The following ZBTB20 variants were observed in gnomAD, a reference collection of about 807,000 sequenced individuals.
ZBTB20 encodes zinc finger and BTB domain-containing protein 20.
A neutral mutation model predicts 56.9 loss-of-function variants in ZBTB20; 9 were observed. That is an observed-to-expected ratio of 0.16 (90% CI 0.10 to 0.28). ZBTB20 has a LOEUF of 0.28. Among genes scored for constraint, ZBTB20 ranks in the 10% least tolerant of loss-of-function variants. The pLI is 1.00. For missense variants in ZBTB20, 655 were observed against 1,003.0 expected (o/e 0.65, Z 4.69); for synonymous variants, 417 against 420.7 (o/e 0.99, Z 0.11).
intron 3 of ZBTB20, among the ~76,000 whole-genome samples, chr3:114,955,804 G>A (rs2077227341): frequency 6.6e-6 from 1 of 152,092 alleles, no homozygotes; most frequent in Admixed American, 6.6e-5. Flanking sequence ...AATGGAGGTG[G>A]GGGGTGTACT....
intron 2 of ZBTB20, among the ~76,000 whole-genome samples, chr3:115,015,516 G>A (rs1273811279): frequency 6.6e-6 from 1 of 151,640 alleles, no homozygotes; most frequent in African/African-American, 2.4e-5. Flanking sequence ...CCCTCCCCAT[G>A]TGTCCATGTG....
At chr3:115,010,417 C>G (rs1400528558) in intron 2 of ZBTB20, among the ~76,000 whole-genome samples, 1 of 151,918 alleles carries the variant, frequency 6.6e-6, no homozygotes, top group East Asian at 2.0e-4. Flanking sequence ...GAGCTTGGGT[C>G]ACTCTGAGCT....
chr3:115,041,729 T>C (rs772675235), intron 2 of ZBTB20, among the ~76,000 whole-genome samples: 34 of 152,182 alleles, frequency 2.2e-4, no homozygotes, highest in Admixed American at 3.9e-4. Flanking sequence ...AAATAGTTTG[T>C]AACTTAAGAT....
At chr3:114,722,685 C>G (rs912246307) in intron 5 of ZBTB20, among the ~76,000 whole-genome samples, 3 of 152,182 alleles carry the variant, frequency 2.0e-5, no homozygotes, top group Non-Finnish European at 4.4e-5. Context: ...TCAGGTCAGA[C>G]TCCTTTTCAA....
intron 10 of ZBTB20, among the ~76,000 whole-genome samples, chr3:114,371,548 A>G (rs778899611): frequency 6.6e-6 from 1 of 152,236 alleles, no homozygotes; most frequent in African/African-American, 2.4e-5. Flanking sequence ...CTAGGGCTCC[A>G]GTTTATAAAA....
intron 4 of ZBTB20, among the ~76,000 whole-genome samples, chr3:114,878,062 C>T (rs1406019959): frequency 2.6e-5 from 4 of 152,098 alleles, no homozygotes; most frequent in Admixed American, 1.3e-4. Flanking sequence ...AAAAAAGAAA[C>T]AGCCCTACTT....
intron 7 of ZBTB20, among the ~76,000 whole-genome samples, chr3:114,449,934 A>T (rs2091498741): frequency 6.6e-6 from 1 of 152,078 alleles, no homozygotes; most frequent in African/African-American, 2.4e-5. Flanking sequence ...GATTGAGTTA[A>T]TTTTTTTTCT....
intron 7 of ZBTB20, among the ~76,000 whole-genome samples, chr3:114,426,099 G>T (rs992200000): frequency 7.2e-5 from 11 of 152,104 alleles, no homozygotes; most frequent in East Asian, 1.9e-4. Context: ...ACTTTGGGAG[G>T]CCGAGGTGGG....
chr3:114,745,945 G>A (rs537748533), intron 5 of ZBTB20, among the ~76,000 whole-genome samples: 28 of 152,234 alleles, frequency 1.8e-4, no homozygotes, highest in African/African-American at 6.5e-4. Flanking sequence ...CAGACTCTCC[G>A]GAAAGCTGTA....
At chr3:114,775,114 C>A (rs1307445573) in intron 5 of ZBTB20, among the ~76,000 whole-genome samples, 1 of 152,006 alleles carries the variant, frequency 6.6e-6, no homozygotes, top group Non-Finnish European at 1.5e-5. Context: ...AACACTCATG[C>A]AGAACAAAGC....
intron 6 of ZBTB20, among the ~76,000 whole-genome samples, chr3:114,525,751 CAA>C (rs754835081): frequency 1.2e-3 from 189 of 152,222 alleles, no homozygotes; most frequent in Middle Eastern, 6.8e-3. Context: ...AACGGGTATT[CAA>C]AAAATACTAT....
chr3:114,599,810 A>C (rs1222217338), intron 6 of ZBTB20, among the ~76,000 whole-genome samples: 2 of 152,048 alleles, frequency 1.3e-5, no homozygotes, highest in African/African-American at 2.4e-5. Flanking sequence ...AGAAATCTAC[A>C]TCAGACTCAT....
At chr3:114,767,148 A>G (rs1260141557) in intron 5 of ZBTB20, among the ~76,000 whole-genome samples, 1 of 152,154 alleles carries the variant, frequency 6.6e-6, no homozygotes, top group Non-Finnish European at 1.5e-5. Flanking sequence ...TCATAAATTA[A>G]TTAGTCTCTT....
At chr3:114,625,282 C>T (rs1277637415) in intron 6 of ZBTB20, among the ~76,000 whole-genome samples, 1 of 151,924 alleles carries the variant, frequency 6.6e-6, no homozygotes, top group African/African-American at 2.4e-5. Context: ...GTACCACAGT[C>T]AGAAAAAGAG....
chr3:114,974,270 T>A (rs188837814), intron 3 of ZBTB20, 96 bp downstream of exon 3: 2 of 151,934 alleles, frequency 1.3e-5, no homozygotes, highest in Non-Finnish European at 2.9e-5. Context: ...AATAATAAAA[T>A]AAAAGAAAAG....
intron 6 of ZBTB20, among the ~76,000 whole-genome samples, chr3:114,606,848 C>A (rs1006660672): frequency 6.6e-6 from 1 of 152,116 alleles, no homozygotes; most frequent in African/African-American, 2.4e-5. Context: ...GTAATCCCAG[C>A]ATTTTAGGAG....
intron 1 of ZBTB20, among the ~76,000 whole-genome samples, chr3:115,141,035 C>A (rs1466072417): frequency 6.6e-6 from 1 of 151,994 alleles, no homozygotes; most frequent in Non-Finnish European, 1.5e-5. Context: ...TAAATAATTT[C>A]TTGTGCTGCC....
chr3:114,975,342 C>T (rs1194446252), intron 2 of ZBTB20, among the ~76,000 whole-genome samples: 1 of 152,012 alleles, frequency 6.6e-6, no homozygotes, highest in Non-Finnish European at 1.5e-5. Context: ...TTTAGGCATT[C>T]AAAGTTTCAA....
At chr3:114,548,065 T>C (rs182738040) in intron 6 of ZBTB20, among the ~76,000 whole-genome samples, 10 of 152,326 alleles carry the variant, frequency 6.6e-5, no homozygotes, top group East Asian at 1.9e-4. Flanking sequence ...TGGCTTTTGG[T>C]TTAAATTTGC....
Sources: gnomAD v4.1 joint callset for allele counts (sites outside exome capture counted in the v4.1 genomes callset) on GRCh38, gnomAD v4.1.1 for gene constraint, MANE v1.5 for transcripts, NCBI Gene and HGNC (gene_info 2026-07-23, HGNC 2026-07-21) for gene names.